The following UPK1B variants were observed in gnomAD, a reference collection of about 807,000 sequenced individuals.
UPK1B encodes uroplakin 1B.
UPK1B carries 28 observed loss-of-function variants against 34.2 expected under a neutral mutation model. That is an observed-to-expected ratio of 0.82 (90% CI 0.61 to 1.12). The LOEUF is 1.12. UPK1B is among the 50% of genes most tolerant of loss of function. UPK1B has a pLI of 0.00. For synonymous variants in UPK1B, 81 were observed against 110.4 expected (o/e 0.73, Z 1.67); for missense variants, 325 against 320.9 (o/e 1.01, Z -0.10).
chr3:119,201,522 A>C (rs2078090638), intron 7 of UPK1B, among the ~76,000 whole-genome samples: 1 of 152,136 alleles, frequency 6.6e-6, no homozygotes, highest in Non-Finnish European at 1.5e-5. Flanking sequence ...CACAGAAAAA[A>C]ACCCGGTCGC....
intron 6 of UPK1B, among the ~76,000 whole-genome samples, chr3:119,196,608 C>T (rs1275915107): frequency 2.0e-5 from 3 of 147,156 alleles, no homozygotes; most frequent in African/African-American, 7.6e-5. Context: ...GGCGCTATCT[C>T]GGCTCACTGC....
At chr3:119,203,327 C>T (rs899564411) in intron 7 of UPK1B, among the ~76,000 whole-genome samples, 1 of 98,022 alleles carries the variant, frequency 1.0e-5, no homozygotes, top group Non-Finnish European at 1.9e-5. Context: ...GGCGACAGAG[C>T]GAAACTCCGT....
chr3:119,201,748 G>C (rs1417310604), intron 7 of UPK1B, among the ~76,000 whole-genome samples: 1 of 152,060 alleles, frequency 6.6e-6, no homozygotes, highest in Non-Finnish European at 1.5e-5. Flanking sequence ...AACCTGTTAG[G>C]AGCTCTCACA....
In UPK1B at chr3:119,203,954, G is replaced by T. The variant is rs1476551914; in HGVS notation, c.770G>T (p.Arg257Ile). Residue 257 changes from arginine to isoleucine, a missense_variant, in exon 8 of 8, where the codon AGA becomes ATA. Arg to Ile is a moderately conservative substitution (Grantham distance 97). Transcript: ENST00000264234. ...CTGGGTACCATGTTCTACTGGAGCA[G>T]AATTGAATATTAAGCATAAAGTGTT... ...VLLGTMFYWS[R>I]IEY 1.2e-6 allele frequency: 2 copies of T among 1,614,018 alleles called. No individual in the cohort carries two copies. The highest frequency in any genetic ancestry group is 1.7e-6 in the Non-Finnish European group (2 of 1,180,020).
intron 3 of UPK1B, among the ~76,000 whole-genome samples, chr3:119,189,561 T>G (rs2078035082): frequency 6.6e-6 from 1 of 152,252 alleles, no homozygotes; most frequent in Non-Finnish European, 1.5e-5. Context: ...GTGCCCATGC[T>G]CACGCACACA....
At chr3:119,173,794 T>C (rs2077940040) in intron 1 of UPK1B, among the ~76,000 whole-genome samples, 156 bp downstream of exon 1, 1 of 152,334 alleles carries the variant, frequency 6.6e-6, no homozygotes, top group East Asian at 1.9e-4. Context: ...TTTAGGGTAT[T>C]GTGACTGTCC....
At chr3:119,186,557 T>C in intron 1 of UPK1B, 157 bp from the exon 2 acceptor site, 1 of 603,068 alleles carries the variant, frequency 1.7e-6, no homozygotes, top group Non-Finnish European at 2.9e-6. Context: ...TTTATAAAAG[T>C]TATGTGATTA....
rs1183673384 is a variant in UPK1B at position 119,179,391 on chromosome 3, ATATATATT to A, written c.-29+5754_-29+5761del. ...TATATATATATATATATATATATATATATATATTAATTCTAAGGAATTAACCTATGTGA... is the reference window on the plus strand; with the variant it reads ...TATATATATATATATATATATATATAAATTCTAAGGAATTAACCTATGTGA... On this transcript the variant is annotated intron_variant, in intron 1 of 7. Transcript: ENST00000264234. 2.2e-3 allele frequency among the ~76,000 whole-genome samples: 202 copies of A among 93,122 alleles called. 8 individuals carry two copies. Among genetic ancestry groups the A allele is most frequent in the East Asian group, 4.6e-3 (16 of 3,514 alleles). The allele number at this position is 93,122 out of a possible 152,430, so 61.1% of individuals were successfully genotyped here.
chr3:119,182,162 C>T lies in UPK1B; in HGVS notation c.-28-4552C>T, dbSNP rs143039188. ...ACAACTAGGAAGTGTTTTTCCTTTT[C>T]TCTCATGAATTCATCTATGGAAAAT... On this transcript the variant is annotated intron_variant, in intron 1 of 7. Coordinates refer to ENST00000264234, the MANE Select transcript of UPK1B (RefSeq NM_006952.4). Among the ~76,000 whole-genome samples the T allele has an allele frequency of 3.8e-3, 576 of 152,332 alleles. 4 individuals are homozygous for T. The highest frequency in any genetic ancestry group is 0.013 in the African/African-American group (547 of 41,588).
intron 1 of UPK1B, among the ~76,000 whole-genome samples, chr3:119,184,119 C>T (rs2107428491): frequency 6.6e-6 from 1 of 152,318 alleles, no homozygotes; most frequent in Middle Eastern, 3.4e-3. Flanking sequence ...TTTCTACCTT[C>T]CTTCTTTTCT....
intron 1 of UPK1B, among the ~76,000 whole-genome samples, chr3:119,175,012 CTTTTTTTTTTTTTTTTTTTTT>C (rs374721069): frequency 5.2e-4 from 35 of 67,450 alleles, no homozygotes; most frequent in East Asian, 3.8e-3. Flanking sequence ...CTTTTATTTT[CTTTTTTTTTTTTTTTTTTTTT>C]TTTTTTTTTT....
At chr3:119,186,640 G>A in intron 1 of UPK1B, 74 bp from the exon 2 acceptor site, 1 of 1,124,152 alleles carries the variant, frequency 8.9e-7, no homozygotes, top group Non-Finnish European at 1.3e-6. Context: ...TTGGGAACAA[G>A]GAGGCAATAC....
At chr3:119,176,400 A>T (rs2077957129) in intron 1 of UPK1B, among the ~76,000 whole-genome samples, 1 of 152,246 alleles carries the variant, frequency 6.6e-6, no homozygotes, top group Non-Finnish European at 1.5e-5. Context: ...GGAAACATCA[A>T]CACTACGGGT....
intron 7 of UPK1B, among the ~76,000 whole-genome samples, chr3:119,201,553 C>T (rs75567904): frequency 0.034 from 5,215 of 152,224 alleles, 197 homozygotes; most frequent in East Asian, 0.13. Flanking sequence ...TATTTCCCAT[C>T]GAGTCCCTCC....
At chr3:119,198,965 GCATT>G in intron 6 of UPK1B, 88 bp from the exon 7 acceptor site, 1 of 1,396,814 alleles carries the variant, frequency 7.2e-7, no homozygotes. Context: ...ATTTTGAGTA[GCATT>G]GATTCCAATA....
chr3:119,186,011 G>A (rs533486390), intron 1 of UPK1B, among the ~76,000 whole-genome samples: 30 of 152,240 alleles, frequency 2.0e-4, no homozygotes, highest in African/African-American at 7.2e-4. Context: ...GTGACCCCAG[G>A]GAACTTAATT....
rs74757740 is a variant in UPK1B, at chr3:119,202,122, G to A, written c.733-1795G>A. On this transcript the variant is annotated intron_variant, in intron 7 of 7. Coordinates refer to ENST00000264234, the MANE Select transcript of UPK1B (RefSeq NM_006952.4). Reference sequence around the variant, plus strand: ...GTATTGAGGGCCTGCTATAAACAAGGTACCATGTCAAATATTTTTAATATT... The same window carrying A: ...GTATTGAGGGCCTGCTATAAACAAGATACCATGTCAAATATTTTTAATATT... Among the ~76,000 whole-genome samples the A allele has an allele frequency of 3.5e-3, 540 of 152,266 alleles. 3 individuals carry two copies. Among genetic ancestry groups the A allele is most frequent in the African/African-American group, 0.013 (526 of 41,544 alleles).
chr3:119,191,943 A>G (rs1576870323), intron 5 of UPK1B, among the ~76,000 whole-genome samples: 1 of 151,604 alleles, frequency 6.6e-6, no homozygotes, highest in Non-Finnish European at 1.5e-5. Flanking sequence ...TTAACTATCT[A>G]CCTCTTCAGT....
Position 119,190,164 on chromosome 3 carries a change from G to A in UPK1B, c.271-81G>A, listed in dbSNP as rs992961952. On this transcript the variant is annotated intron_variant, in intron 3 of 7. Transcript: ENST00000264234. Reference sequence around the variant, plus strand: ...GATTACATGATTATATGATAAATTTGCTGAAAAAACATAATTATTTGGGCA... The same window carrying A: ...GATTACATGATTATATGATAAATTTACTGAAAAAACATAATTATTTGGGCA... 6 of 1,092,626 alleles carry A rather than the reference G, an allele frequency of 5.5e-6. No individual in the cohort carries two copies. In the East Asian group the frequency reaches 9.6e-5, roughly 17 times the overall value. The allele number at this position is 1,092,626 out of a possible 1,614,324, so 67.7% of individuals were successfully genotyped here.
Sources: gnomAD v4.1 joint callset for allele counts (sites outside exome capture counted in the v4.1 genomes callset) on GRCh38, gnomAD v4.1.1 for gene constraint, MANE v1.5 for transcripts, NCBI Gene and HGNC (gene_info 2026-07-23, HGNC 2026-07-21) for gene names.